Variants in MAGI2 observed in about 807,000 individuals in gnomAD.
MAGI2 encodes membrane associated guanylate kinase, WW and PDZ domain containing 2, also known as membrane-associated guanylate kinase, WW and PDZ domain-containing protein 2.
Under a neutral mutation model 133.3 loss-of-function variants are expected in MAGI2, and 35 were observed. That is an observed-to-expected ratio of 0.26 (90% CI 0.20 to 0.35). The LOEUF (loss-of-function observed/expected upper bound fraction) is 0.35, where lower values mean the gene tolerates loss of function less well. Ranked by LOEUF, MAGI2 falls within the 10% of genes least tolerant of loss-of-function variation. MAGI2 has a pLI of 1.00. For synonymous variants in MAGI2, 729 were observed against 710.6 expected, an observed-to-expected ratio of 1.03 and a Z score of -0.41; for missense variants, 1,636 against 1,863.4, an observed-to-expected ratio of 0.88 and a Z score of 2.25.
chr7:78,505,594 A>T (rs1795013070), intron 4 of MAGI2, among the ~76,000 whole-genome samples: 1 of 152,260 alleles, frequency 6.6e-6, no homozygotes, highest in Non-Finnish European at 1.5e-5. Context: ...GAACATGTTC[A>T]GTTATACAAT....
intron 20 of MAGI2, among the ~76,000 whole-genome samples, chr7:78,087,579 A>G (rs941124696): frequency 2.6e-5 from 4 of 152,162 alleles, no homozygotes; most frequent in Admixed American, 6.5e-5. Flanking sequence ...TAAATGGGGA[A>G]ATGGGGCAAA....
intron 1 of MAGI2, among the ~76,000 whole-genome samples, chr7:79,320,323 C>T (rs1195052833): frequency 3.9e-5 from 6 of 152,022 alleles, no homozygotes; most frequent in South Asian, 4.1e-4. Context: ...AAATCAAAGT[C>T]GCAAAGAAAG....
chr7:78,816,648 G>C (rs569746014), intron 2 of MAGI2, among the ~76,000 whole-genome samples: 1 of 152,122 alleles, frequency 6.6e-6, no homozygotes, highest in South Asian at 2.1e-4. Context: ...CTAAAAATGA[G>C]ACAACAAAGC....
intron 6 of MAGI2, among the ~76,000 whole-genome samples, chr7:78,429,255 T>C (rs1298259812): frequency 4.0e-5 from 6 of 149,222 alleles, no homozygotes; most frequent in Non-Finnish European, 7.4e-5. Flanking sequence ...AGAACTCCCA[T>C]CCCCTCCTCA....
At chr7:78,759,924 G>A (rs906402915) in intron 2 of MAGI2, among the ~76,000 whole-genome samples, 16 of 152,190 alleles carry the variant, frequency 1.1e-4, no homozygotes, top group African/African-American at 3.4e-4. Context: ...TCAGCACTTC[G>A]AGACCAGCCC....
chr7:78,355,787 G>C (rs1393616126), intron 7 of MAGI2, among the ~76,000 whole-genome samples: 2 of 152,094 alleles, frequency 1.3e-5, no homozygotes, highest in Admixed American at 1.3e-4. Flanking sequence ...TTACGAAATT[G>C]GAAACTTTAA....
intron 20 of MAGI2, among the ~76,000 whole-genome samples, chr7:78,110,728 T>C (rs1209979431): frequency 6.6e-6 from 1 of 152,182 alleles, no homozygotes; most frequent in African/African-American, 2.4e-5. Flanking sequence ...GAAGCAGCAA[T>C]GTTCCACAGG....
intron 9 of MAGI2, among the ~76,000 whole-genome samples, chr7:78,300,629 G>A (rs1247909912): frequency 1.3e-5 from 2 of 152,198 alleles, no homozygotes; most frequent in African/African-American, 2.4e-5. Flanking sequence ...ATATGCGTAA[G>A]TTAATTTCTC....
intron 10 of MAGI2, among the ~76,000 whole-genome samples, chr7:78,229,027 T>C (rs1373767894): frequency 6.6e-6 from 1 of 152,222 alleles, no homozygotes. Context: ...TGCAAATCAA[T>C]TGAGGCTGGA....
intron 2 of MAGI2, among the ~76,000 whole-genome samples, chr7:78,696,213 C>T (rs563489400): frequency 6.6e-6 from 1 of 152,210 alleles, no homozygotes; most frequent in Non-Finnish European, 1.5e-5. Flanking sequence ...GTTGGGATTA[C>T]AGGCATGAAC....
chr7:79,352,036 G>A (rs1054103024), intron 1 of MAGI2, among the ~76,000 whole-genome samples: 15 of 151,950 alleles, frequency 9.9e-5, no homozygotes, highest in African/African-American at 2.2e-4. Flanking sequence ...TACTTTTCCC[G>A]TAGCACTAGA....
intron 2 of MAGI2, among the ~76,000 whole-genome samples, chr7:78,633,682 G>A (rs2150970669): frequency 6.7e-6 from 1 of 148,676 alleles, no homozygotes; most frequent in South Asian, 2.1e-4. Context: ...CTCCAGCCTG[G>A]GCGTCAGAGC....
intron 2 of MAGI2, among the ~76,000 whole-genome samples, chr7:78,959,283 C>T (rs191593333): frequency 6.6e-6 from 1 of 152,082 alleles, no homozygotes; most frequent in East Asian, 1.9e-4. Context: ...AGAATAGGGG[C>T]TTTGGATTAC....
intron 1 of MAGI2, among the ~76,000 whole-genome samples, chr7:79,137,760 G>A (rs1458277371): frequency 6.6e-6 from 1 of 152,044 alleles, no homozygotes; most frequent in African/African-American, 2.4e-5. Context: ...ACCATGACCA[G>A]CCCAAATACA....
chr7:79,305,919 T>C (rs906777725), intron 1 of MAGI2, among the ~76,000 whole-genome samples: 6 of 151,490 alleles, frequency 4.0e-5, no homozygotes, highest in Admixed American at 3.3e-4. Context: ...AGTAAATAAA[T>C]AAGATCTAAA....
chr7:79,015,983 T>G, intron 1 of MAGI2, among the ~76,000 whole-genome samples: 1 of 73,498 alleles, frequency 1.4e-5, no homozygotes, highest in African/African-American at 5.4e-5. Context: ...TAGCCCTCAA[T>G]GACTCCTGGA....
chr7:78,557,097 A>AAAAAAAAAAAG (rs1554473311), intron 3 of MAGI2, among the ~76,000 whole-genome samples: 17 of 138,954 alleles, frequency 1.2e-4, no homozygotes, highest in East Asian at 1.1e-3. Flanking sequence ...AAAAAAAAAA[A>AAAAAAAAAAAG]AAAGAAAAAG....
intron 20 of MAGI2, among the ~76,000 whole-genome samples, chr7:78,125,009 G>A (rs370470590): frequency 3.1e-4 from 47 of 152,078 alleles, no homozygotes; most frequent in South Asian, 2.1e-3. Context: ...GACTACAGGC[G>A]CCCGCCACCA....
intron 1 of MAGI2, among the ~76,000 whole-genome samples, chr7:79,258,921 C>T (rs1362577230): frequency 6.6e-6 from 1 of 152,240 alleles, no homozygotes; most frequent in Non-Finnish European, 1.5e-5. Flanking sequence ...CTTCAGAGCT[C>T]ATGCTCTTAA....
Sources: gnomAD v4.1 joint callset for allele counts (sites outside exome capture counted in the v4.1 genomes callset) on GRCh38, gnomAD v4.1.1 for gene constraint, MANE v1.5 for transcripts, NCBI Gene and HGNC (gene_info 2026-07-23, HGNC 2026-07-21) for gene names.